Variants in NDUFS4 observed in about 807,000 individuals in gnomAD.
NDUFS4 encodes the protein NADH:ubiquinone oxidoreductase subunit S4, also known as NADH dehydrogenase [ubiquinone] iron-sulfur protein 4, mitochondrial.
NDUFS4 carries 28 observed loss-of-function variants against 24.3 expected under a neutral mutation model. The ratio of observed to expected loss-of-function variants is 1.15; its 90% CI spans 0.85 to 1.58. The LOEUF (loss-of-function observed/expected upper bound fraction) is 1.58. Among genes scored for constraint, NDUFS4 ranks in the 40% most tolerant of loss-of-function variants. The pLI, the probability that NDUFS4 is intolerant of heterozygous loss-of-function variation, is 0.00. For synonymous variants in NDUFS4, 93 were observed against 69.7 expected, an observed-to-expected ratio of 1.34 and a Z score of -1.67; for missense variants, 223 against 207.9, an observed-to-expected ratio of 1.07 and a Z score of -0.45.
At chr5:53,602,610 G>T (rs539746786) in intron 1 of NDUFS4, among the ~76,000 whole-genome samples, 30 of 152,134 alleles carry the variant, frequency 2.0e-4, no homozygotes, top group African/African-American at 6.5e-4. Flanking sequence ...CTATGGTAGT[G>T]AATATATTGT....
chr5:53,582,759 T>G lies in NDUFS4; in HGVS notation c.99-20693T>G, dbSNP rs555949509. 8.5e-5 allele frequency among the ~76,000 whole-genome samples: 13 copies of G among 152,294 alleles called. No individual in the cohort carries two copies. In the South Asian group the frequency reaches 2.7e-3, roughly 32 times the overall value. On this transcript the variant is annotated intron_variant, in intron 1 of 4. Transcript: ENST00000296684. ...AGATCAAGAACTGTTTCTTCACCTG[T>G]TTGTTTTTACAGGCTAACACAGTAC... is the stretch of plus-strand genomic sequence containing the variant.
intron 3 of NDUFS4, among the ~76,000 whole-genome samples, chr5:53,649,668 G>T (rs1751962467): frequency 6.6e-6 from 1 of 152,128 alleles, no homozygotes; most frequent in African/African-American, 2.4e-5. Context: ...TTGATAAAAT[G>T]AGTTATTTTT....
At chr5:53,627,352 T>G (rs1170397789) in intron 2 of NDUFS4, among the ~76,000 whole-genome samples, 1 of 152,220 alleles carries the variant, frequency 6.6e-6, no homozygotes, top group Non-Finnish European at 1.5e-5. Context: ...TAGGATTGTC[T>G]TGGCTATGTG....
chr5:53,654,779 T>A (rs1269586065), intron 3 of NDUFS4, among the ~76,000 whole-genome samples: 1 of 152,256 alleles, frequency 6.6e-6, no homozygotes, highest in African/African-American at 2.4e-5. Flanking sequence ...ATACCTTTTA[T>A]GCATGAATAG....
chr5:53,671,155 C>T (rs1458618588), intron 4 of NDUFS4, among the ~76,000 whole-genome samples: 1 of 152,004 alleles, frequency 6.6e-6, no homozygotes, highest in East Asian at 1.9e-4. Context: ...CATCTGTTTT[C>T]AGTTGTTAAC....
At chr5:53,624,953 G>A (rs2045391) in intron 2 of NDUFS4, among the ~76,000 whole-genome samples, 21,743 of 152,014 alleles carry the variant, frequency 0.14, 2,041 homozygotes, top group Non-Finnish European at 0.21. Flanking sequence ...TGTTTGGTGT[G>A]TTTTGTTTGT....
rs138526525 is a variant in NDUFS4, at chr5:53,564,953, A to G, written c.98+4193A>G. On this transcript the variant is annotated intron_variant, in intron 1 of 4. Coordinates refer to ENST00000296684, the MANE Select transcript of NDUFS4 (RefSeq NM_002495.4). ...CATTTCTTTAATCTTGGTTGTAAGT[A>G]TTGTGATAGATTGTGTTATTGTTTA... is the stretch of plus-strand genomic sequence containing the variant. 2.6e-3 allele frequency among the ~76,000 whole-genome samples: 397 copies of G among 152,300 alleles called. 4 individuals are homozygous for G. Among genetic ancestry groups the G allele is most frequent in the Non-Finnish European group, 4.1e-3 (277 of 68,022 alleles).
chr5:53,659,876 TC>T (rs1752278665), intron 4 of NDUFS4, among the ~76,000 whole-genome samples: 1 of 152,212 alleles, frequency 6.6e-6, no homozygotes, highest in Admixed American at 6.5e-5. Flanking sequence ...ACTTTATACT[TC>T]TATTTCCTCA....
At chr5:53,591,467 G>T (rs1356403162) in intron 1 of NDUFS4, among the ~76,000 whole-genome samples, 4 of 135,604 alleles carry the variant, frequency 2.9e-5, no homozygotes, top group Non-Finnish European at 6.4e-5. Flanking sequence ...TTTTTGGGGG[G>T]GGGGGGTGAT....
At position 53,671,196 on chromosome 5, in the gene NDUFS4, T is replaced by C. The variant is rs78105419; in HGVS notation, c.425-11922T>C. Among the ~76,000 whole-genome samples the C allele has an allele frequency of 2.5e-4, 38 of 152,232 alleles. No homozygotes were observed. In the East Asian group the frequency reaches 6.0e-3, roughly 24 times the overall value. The stretch of plus-strand genomic sequence containing the variant: ...AAGGTATTATGCAGGCTCATCTTTT[T>C]ATATAAGAATACTCTACTCTTGTTT... On this transcript the variant is annotated intron_variant, in intron 4 of 4. Transcript: ENST00000296684.
Position 53,671,819 on chromosome 5 carries a change from CT to C in NDUFS4, c.425-11293del, listed in dbSNP as rs139714671. Among the ~76,000 whole-genome samples the C allele has an allele frequency of 7.2e-3, 1,098 of 152,176 alleles. 10 individuals carry two copies. The highest frequency in any genetic ancestry group is 8.4e-3 in the Non-Finnish European group (571 of 67,974). The stretch of plus-strand genomic sequence containing the variant: ...CATGCTAATGAAAACCAGAAATGGT[CT>C]TTTTTCCCCCGTTTGATCTGATTTG... On this transcript the variant is annotated intron_variant, in intron 4 of 4. Coordinates refer to ENST00000296684, the MANE Select transcript of NDUFS4 (RefSeq NM_002495.4).
chr5:53,658,798 A>AAC (rs1251968523), intron 4 of NDUFS4, 174 bp downstream of exon 4: 1 of 589,558 alleles, frequency 1.7e-6, no homozygotes, highest in African/African-American at 1.9e-5. Flanking sequence ...AAAAAAAAAA[A>AAC]AAAAAACCTA....
chr5:53,601,598 T>C (rs769014426), intron 1 of NDUFS4, among the ~76,000 whole-genome samples: 4 of 152,174 alleles, frequency 2.6e-5, no homozygotes, highest in East Asian at 1.9e-4. Context: ...TGAGAAAATA[T>C]AGTGTAGCTT....
At chr5:53,606,429 G>A (rs369537280) in intron 2 of NDUFS4, among the ~76,000 whole-genome samples, 5 of 151,916 alleles carry the variant, frequency 3.3e-5, no homozygotes, top group Non-Finnish European at 5.9e-5. Context: ...GTGCAGCGGC[G>A]CGATCTCGGC....
chr5:53,595,821 A>G (rs1750116967), intron 1 of NDUFS4, among the ~76,000 whole-genome samples: 1 of 152,206 alleles, frequency 6.6e-6, no homozygotes, highest in Non-Finnish European at 1.5e-5. Context: ...CCAGACACAC[A>G]ACTGCTATTA....
intron 2 of NDUFS4, among the ~76,000 whole-genome samples, chr5:53,638,487 A>C (rs1262302845): frequency 6.6e-6 from 1 of 152,152 alleles, no homozygotes; most frequent in Non-Finnish European, 1.5e-5. Context: ...AAATATGTGG[A>C]GCTAAATAAT....
At chr5:53,642,001 C>T (rs562053115) in intron 2 of NDUFS4, among the ~76,000 whole-genome samples, 1 of 152,106 alleles carries the variant, frequency 6.6e-6, no homozygotes, top group Non-Finnish European at 1.5e-5. Context: ...TCCATACTAA[C>T]ATGCAATTTA....
chr5:53,577,735 A>C (rs546197993), intron 1 of NDUFS4, among the ~76,000 whole-genome samples: 1 of 152,140 alleles, frequency 6.6e-6, no homozygotes, highest in Non-Finnish European at 1.5e-5. Flanking sequence ...AGGTCTTCCA[A>C]CTCACTTAAC....
chr5:53,584,791 A>G (rs1023422230), intron 1 of NDUFS4, among the ~76,000 whole-genome samples: 2 of 113,192 alleles, frequency 1.8e-5, no homozygotes, highest in African/African-American at 6.4e-5. Context: ...TTGTTTTGAG[A>G]TAGTCTCACT....
Sources: gnomAD v4.1 joint callset for allele counts (sites outside exome capture counted in the v4.1 genomes callset) on GRCh38, gnomAD v4.1.1 for gene constraint, MANE v1.5 for transcripts, NCBI Gene and HGNC (gene_info 2026-07-23, HGNC 2026-07-21) for gene names.